BBS9: variants seen among roughly 807,000 people sequenced by gnomAD.
BBS9 encodes protein PTHB1.
A neutral mutation model predicts 117.7 loss-of-function variants in BBS9; 89 were observed. That is an observed-to-expected ratio of 0.76 (90% CI 0.64 to 0.90). The LOEUF (loss-of-function observed/expected upper bound fraction) is 0.90, where lower values mean the gene tolerates loss of function less well. Among genes scored for constraint, BBS9 ranks in the 40% least tolerant of loss-of-function variants. BBS9 has a pLI of 0.00. For synonymous variants in BBS9, 379 were observed against 370.9 expected, an observed-to-expected ratio of 1.02 and a Z score of -0.25; for missense variants, 982 against 1,042.2, an observed-to-expected ratio of 0.94 and a Z score of 0.80.
chr7:33,152,296 C>T (rs1009456145), intron 2 of BBS9, among the ~76,000 whole-genome samples: 1 of 152,022 alleles, frequency 6.6e-6, no homozygotes, highest in African/African-American at 2.4e-5. Flanking sequence ...TATCTAGTGA[C>T]GACTCAGAAT....
chr7:33,459,986 T>C (rs1839218813), intron 19 of BBS9, among the ~76,000 whole-genome samples: 1 of 152,172 alleles, frequency 6.6e-6, no homozygotes, highest in Non-Finnish European at 1.5e-5. Flanking sequence ...ACATGGATTG[T>C]AAAATGTATT....
intron 1 of BBS9, among the ~76,000 whole-genome samples, chr7:33,138,032 G>T (rs943455066): frequency 3.9e-5 from 6 of 152,148 alleles, no homozygotes; most frequent in Admixed American, 6.5e-5. Flanking sequence ...AGTCTTTAAA[G>T]ATTAAAATAA....
chr7:33,552,485 C>T (rs957450161), intron 21 of BBS9, among the ~76,000 whole-genome samples: 1 of 152,116 alleles, frequency 6.6e-6, no homozygotes, highest in African/African-American at 2.4e-5. Context: ...CTCTTGGATT[C>T]CTTGTCAGTT....
At chr7:33,303,437 G>T (rs1806925195) in intron 9 of BBS9, among the ~76,000 whole-genome samples, 1 of 150,524 alleles carries the variant, frequency 6.6e-6, no homozygotes, top group Middle Eastern at 3.4e-3. Flanking sequence ...TGTTCTTTCT[G>T]TACCCAGTTT....
At chr7:33,393,560 C>T (rs938583574) in intron 19 of BBS9, among the ~76,000 whole-genome samples, 4 of 152,122 alleles carry the variant, frequency 2.6e-5, no homozygotes, top group African/African-American at 9.7e-5. Context: ...AACAAGACAC[C>T]TGGGAGTTCA....
Position 33,352,436 on chromosome 7 carries a change from T to A in BBS9, c.1538-423T>A, listed in dbSNP as rs115030149. ...TATCAATAGTATTATTTACTTAAAT[T>A]ATTATAAAAAAGAGGAACTGGATTG... On this transcript the variant is annotated intron_variant, in intron 14 of 22. Transcript: ENST00000242067. Among the ~76,000 whole-genome samples the A allele has an allele frequency of 9.1e-3, 1,388 of 152,238 alleles. 22 individuals carry two copies. The highest frequency in any genetic ancestry group is 0.032 in the African/African-American group (1,327 of 41,548).
intron 21 of BBS9, among the ~76,000 whole-genome samples, chr7:33,585,419 A>G (rs935994433): frequency 6.6e-6 from 1 of 152,090 alleles, no homozygotes; most frequent in Non-Finnish European, 1.5e-5. Flanking sequence ...CTTTCTGACA[A>G]GGAGAAGCGA....
chr7:33,291,953 G>A (rs931903487), intron 9 of BBS9, among the ~76,000 whole-genome samples: 1 of 152,184 alleles, frequency 6.6e-6, no homozygotes, highest in African/African-American at 2.4e-5. Context: ...TTCTCCAGCT[G>A]AAGTTTTCTC....
intron 7 of BBS9, among the ~76,000 whole-genome samples, chr7:33,264,869 T>G (rs958887279): frequency 6.6e-6 from 1 of 152,204 alleles, no homozygotes; most frequent in African/African-American, 2.4e-5. Flanking sequence ...AGAAATGTTT[T>G]GGCCATTAAT....
intron 2 of BBS9, among the ~76,000 whole-genome samples, chr7:33,150,593 C>T (rs1443824701): frequency 1.3e-5 from 2 of 152,142 alleles, no homozygotes; most frequent in Non-Finnish European, 2.9e-5. Context: ...TTGAGGCAGA[C>T]AAATCCAGTT....
At chr7:33,304,586 A>G (rs1370568806) in intron 9 of BBS9, among the ~76,000 whole-genome samples, 4 of 152,088 alleles carry the variant, frequency 2.6e-5, no homozygotes, top group African/African-American at 4.8e-5. Context: ...CTGCTGTGCA[A>G]TCTTCCAAGT....
At chr7:33,180,739 C>A (rs2128170494) in intron 5 of BBS9, among the ~76,000 whole-genome samples, 1 of 152,220 alleles carries the variant, frequency 6.6e-6, no homozygotes, top group South Asian at 2.1e-4. Context: ...CGTATGGGAG[C>A]CCATTCTCTC....
At chr7:33,274,994 C>CA (rs763041758) in intron 9 of BBS9, among the ~76,000 whole-genome samples, 13,454 of 57,676 alleles carry the variant, frequency 0.23, 1,446 homozygotes, top group Non-Finnish European at 0.27. Flanking sequence ...GACTGTGTCT[C>CA]AAAAAAAAAA....
chr7:33,166,375 C>G (rs1007468351), intron 4 of BBS9, among the ~76,000 whole-genome samples: 2 of 152,216 alleles, frequency 1.3e-5, no homozygotes, highest in Admixed American at 6.5e-5. Flanking sequence ...GCTGGGAGAA[C>G]CATTGGTCTT....
chr7:33,498,376 T>C (rs1184551953), intron 19 of BBS9, among the ~76,000 whole-genome samples: 1 of 152,156 alleles, frequency 6.6e-6, no homozygotes, highest in Admixed American at 6.5e-5. Flanking sequence ...TACAATTCAG[T>C]CATTTAAAGA....
At chr7:33,388,318 T>A (rs1826409355) in intron 19 of BBS9, among the ~76,000 whole-genome samples, 174 bp downstream of exon 19, 1 of 152,216 alleles carries the variant, frequency 6.6e-6, no homozygotes, top group African/African-American at 2.4e-5. Flanking sequence ...CAAACTCTGC[T>A]GCTTTCTAAT....
intron 5 of BBS9, among the ~76,000 whole-genome samples, chr7:33,248,235 C>T (rs571800644): frequency 1.3e-5 from 2 of 152,274 alleles, no homozygotes; most frequent in East Asian, 3.9e-4. Context: ...AGCTATTCAG[C>T]TCAACATATG....
chr7:33,270,327 C>T (rs138786147), intron 7 of BBS9, among the ~76,000 whole-genome samples: 14 of 152,222 alleles, frequency 9.2e-5, no homozygotes, highest in African/African-American at 3.4e-4. Flanking sequence ...TAAATGATCG[C>T]ACTAATTCTA....
chr7:33,321,368 G>A (rs1357567571), intron 9 of BBS9, among the ~76,000 whole-genome samples: 4 of 152,042 alleles, frequency 2.6e-5, no homozygotes, highest in African/African-American at 9.7e-5. Flanking sequence ...CATGAACATG[G>A]AATATCTTTC....
Sources: gnomAD v4.1 joint callset for allele counts (sites outside exome capture counted in the v4.1 genomes callset) on GRCh38, gnomAD v4.1.1 for gene constraint, MANE v1.5 for transcripts, NCBI Gene and HGNC (gene_info 2026-07-23, HGNC 2026-07-21) for gene names.